CCBE1: variants seen among roughly 807,000 people sequenced by gnomAD.
CCBE1 encodes collagen and calcium-binding EGF domain-containing protein 1.
CCBE1 carries 37 observed loss-of-function variants against 50.0 expected under a neutral mutation model. The ratio of observed to expected loss-of-function variants is 0.74; its 90% CI spans 0.57 to 0.97. The LOEUF (loss-of-function observed/expected upper bound fraction) is 0.97, where lower values mean the gene tolerates loss of function less well. Ranked by LOEUF, CCBE1 falls within the 50% of genes least tolerant of loss-of-function variation. The pLI, the probability that CCBE1 is intolerant of heterozygous loss-of-function variation, is 0.00. For synonymous variants in CCBE1, 234 were observed against 203.7 expected (o/e 1.15, Z -1.27); for missense variants, 538 against 523.8 (o/e 1.03, Z -0.26).
chr18:59,663,985 A>G (rs1042217511), intron 2 of CCBE1, among the ~76,000 whole-genome samples: 2 of 152,188 alleles, frequency 1.3e-5, no homozygotes, highest in African/African-American at 4.8e-5. Context: ...CAGCATGTTC[A>G]GGCTGCACTA....
At chr18:59,532,097 A>G (rs1915076609) in intron 2 of CCBE1, among the ~76,000 whole-genome samples, 1 of 151,876 alleles carries the variant, frequency 6.6e-6, no homozygotes, top group African/African-American at 2.4e-5. Flanking sequence ...ACACAGTCTC[A>G]CTCTGTTGCC....
intron 2 of CCBE1, among the ~76,000 whole-genome samples, chr18:59,514,342 C>T (rs890986771): frequency 2.0e-5 from 3 of 152,152 alleles, no homozygotes; most frequent in South Asian, 2.1e-4. Context: ...GCCCCTGACA[C>T]GGCTCCTCCA....
chr18:59,482,315 G>A (rs1410432758), intron 2 of CCBE1, among the ~76,000 whole-genome samples: 2 of 152,206 alleles, frequency 1.3e-5, no homozygotes, highest in African/African-American at 4.8e-5. Context: ...GAGAGGATGT[G>A]GAGAAATAGG....
At chr18:59,585,141 C>T (rs948546796) in intron 2 of CCBE1, among the ~76,000 whole-genome samples, 4 of 152,030 alleles carry the variant, frequency 2.6e-5, no homozygotes, top group Admixed American at 6.6e-5. Context: ...GCCAAAAAGC[C>T]TTCAACATGT....
rs767619258 is a variant in CCBE1 at position 59,670,115 on chromosome 18, CAGAAAGCAGGAGG to C, written c.212+26501_212+26513del. On this transcript the variant is annotated intron_variant, in intron 2 of 10. Coordinates refer to ENST00000439986, the MANE Select transcript of CCBE1 (RefSeq NM_133459.4). ...TTTAGTTCCCATAGCATGTCTGTTT[CAGAAAGCAGGAGG>C]GGGTGGGGGAAGGGTGGAAGAGAAG... Among the ~76,000 whole-genome samples, 23 of 148,760 alleles carry C rather than the reference CAGAAAGCAGGAGG, an allele frequency of 1.5e-4. 1 individual carries two copies. Among genetic ancestry groups the C allele is most frequent in the Non-Finnish European group, 3.3e-4 (22 of 67,526 alleles).
intron 2 of CCBE1, among the ~76,000 whole-genome samples, chr18:59,606,322 G>A (rs532648637): frequency 5.1e-4 from 77 of 152,266 alleles, no homozygotes; most frequent in East Asian, 4.8e-3. Flanking sequence ...GGAAAGCAGC[G>A]AGGCATCTGG....
At chr18:59,520,007 C>A (rs905546701) in intron 2 of CCBE1, among the ~76,000 whole-genome samples, 3 of 152,128 alleles carry the variant, frequency 2.0e-5, no homozygotes, top group Non-Finnish European at 2.9e-5. Flanking sequence ...ATTTCTGAGG[C>A]CTCTGCTCTG....
chr18:59,493,666 G>A (rs1913215855), intron 2 of CCBE1, among the ~76,000 whole-genome samples: 1 of 152,140 alleles, frequency 6.6e-6, no homozygotes, highest in Non-Finnish European at 1.5e-5. Context: ...TCCCTGAACT[G>A]CGTGTTACAG....
chr18:59,457,013 G>A (rs891702368), intron 5 of CCBE1, among the ~76,000 whole-genome samples: 3 of 152,188 alleles, frequency 2.0e-5, no homozygotes, highest in Non-Finnish European at 4.4e-5. Context: ...GTGTAGTTGC[G>A]TTTCCACAAG....
chr18:59,542,360 A>G (rs1239919823), intron 2 of CCBE1, among the ~76,000 whole-genome samples: 1 of 152,102 alleles, frequency 6.6e-6, no homozygotes, highest in Non-Finnish European at 1.5e-5. Flanking sequence ...TAGAATTTTT[A>G]TGAACACGTG....
At chr18:59,559,583 G>A (rs2052705709) in intron 2 of CCBE1, among the ~76,000 whole-genome samples, 1 of 152,228 alleles carries the variant, frequency 6.6e-6, no homozygotes, top group African/African-American at 2.4e-5. Flanking sequence ...ACAGCTGGCG[G>A]AAGCATAAAG....
At chr18:59,593,564 G>A (rs1354192217) in intron 2 of CCBE1, among the ~76,000 whole-genome samples, 1 of 152,110 alleles carries the variant, frequency 6.6e-6, no homozygotes, top group Non-Finnish European at 1.5e-5. Context: ...CCATTTTCTT[G>A]AGCTAAATCT....
chr18:59,600,546 G>A (rs2053415116), intron 2 of CCBE1, among the ~76,000 whole-genome samples: 1 of 152,086 alleles, frequency 6.6e-6, no homozygotes, highest in Non-Finnish European at 1.5e-5. Flanking sequence ...AAAAAGGTTG[G>A]GGACCACCAC....
At chr18:59,565,423 A>G (rs1455753569) in intron 2 of CCBE1, among the ~76,000 whole-genome samples, 1 of 152,210 alleles carries the variant, frequency 6.6e-6, no homozygotes, top group African/African-American at 2.4e-5. Context: ...GGTACGAGGT[A>G]GACAAAGGGC....
At chr18:59,600,808 T>C (rs549312219) in intron 2 of CCBE1, among the ~76,000 whole-genome samples, 4 of 152,256 alleles carry the variant, frequency 2.6e-5, no homozygotes, top group African/African-American at 9.6e-5. Context: ...ATTCTTCAGT[T>C]AGCATCTTCA....
At chr18:59,543,409 C>T (rs1307512490) in intron 2 of CCBE1, among the ~76,000 whole-genome samples, 1 of 152,094 alleles carries the variant, frequency 6.6e-6, no homozygotes, top group Admixed American at 6.5e-5. Flanking sequence ...TTCTATATGG[C>T]TAATATTTAG....
At chr18:59,490,645 G>T (rs1175550166) in intron 2 of CCBE1, among the ~76,000 whole-genome samples, 3 of 152,150 alleles carry the variant, frequency 2.0e-5, no homozygotes, top group South Asian at 2.1e-4. Context: ...ACCCAAAACA[G>T]CAACATTTTA....
intron 2 of CCBE1, among the ~76,000 whole-genome samples, chr18:59,561,989 C>T (rs977704942): frequency 4.6e-5 from 7 of 152,184 alleles, no homozygotes; most frequent in African/African-American, 1.7e-4. Flanking sequence ...CCTCTCCCCT[C>T]AGACTTCAGC....
intron 2 of CCBE1, among the ~76,000 whole-genome samples, chr18:59,583,700 C>T (rs8090016): frequency 0.52 from 75,714 of 144,794 alleles, 19,397 homozygotes; most frequent in East Asian, 0.76. Flanking sequence ...CGCGCGCGCG[C>T]GTGTGTGTGT....
Sources: allele counts gnomAD v4.1 joint callset (sites outside exome capture counted in the v4.1 genomes callset), GRCh38; gene constraint gnomAD v4.1.1; transcripts MANE v1.5; gene names NCBI Gene and HGNC (gene_info 2026-07-23, HGNC 2026-07-21).